Variants in EPC1 observed in about 807,000 individuals in gnomAD.
EPC1 encodes the protein enhancer of polycomb homolog 1.
Under a neutral mutation model 98.4 loss-of-function variants are expected in EPC1, and 12 were observed. The observed-to-expected ratio is 0.12, with a 90% CI of 0.08 to 0.20. EPC1 has a LOEUF of 0.20. EPC1 is among the 10% of genes least tolerant of loss of function. The probability of loss-of-function intolerance (pLI) is 1.00; values close to 1 mark genes in which losing one functional copy is unlikely to be tolerated. For missense variants in EPC1, 729 were observed against 990.5 expected, an observed-to-expected ratio of 0.74 and a Z score of 3.54; for synonymous variants, 357 against 363.9, an observed-to-expected ratio of 0.98 and a Z score of 0.21.
At chr10:32,332,735 A>C (rs1418558678) in intron 1 of EPC1, among the ~76,000 whole-genome samples, 1 of 152,210 alleles carries the variant, frequency 6.6e-6, no homozygotes, top group African/African-American at 2.4e-5. Flanking sequence ...GTAAGATTAC[A>C]AATGTTTGTT....
chr10:32,349,405 T>A (rs1839045945), upstream of EPC1, among the ~76,000 whole-genome samples: 1 of 152,146 alleles, frequency 6.6e-6, no homozygotes, highest in African/African-American at 2.4e-5. Flanking sequence ...ACAGATAAGC[T>A]TACAGATTCA....
chr10:32,293,640 C>T lies in EPC1; in HGVS notation c.411G>A (p.Leu137=). 1 of 1,613,658 alleles carries T rather than the reference C, an allele frequency of 6.2e-7. No individual in the cohort carries two copies. Among genetic ancestry groups the T allele is most frequent in the Non-Finnish European group, 8.5e-7 (1 of 1,179,828 alleles). The stretch of plus-strand genomic sequence containing the variant: ...GGCGGTCAATCATCTCCTCAAATTG[C>T]AATGGGCAGATGTCCATTTTCTTTT... The part of the protein sequence containing the change: ...KLKKKMDICP[L]QFEEMIDRLE... The change falls in exon 3 of 14, where the codon TTG becomes TTA. Residue 137 remains leucine, a synonymous_variant. Coordinates refer to ENST00000319778, the MANE Select transcript of EPC1 (RefSeq NM_001272004.3).
At chr10:32,338,036 T>A (rs1438728999) in intron 1 of EPC1, among the ~76,000 whole-genome samples, 1 of 152,192 alleles carries the variant, frequency 6.6e-6, no homozygotes, top group East Asian at 1.9e-4. Context: ...CTCTCAGATT[T>A]ATAGGACCAA....
intron 1 of EPC1, among the ~76,000 whole-genome samples, chr10:32,359,100 A>G (rs186165921): frequency 2.0e-5 from 3 of 152,318 alleles, no homozygotes; most frequent in East Asian, 1.9e-4. Context: ...CTTTAGCTCT[A>G]TAAGCGCACA....
intron 2 of EPC1, among the ~76,000 whole-genome samples, chr10:32,302,671 T>C: frequency 8.9e-6 from 1 of 112,968 alleles, no homozygotes; most frequent in African/African-American, 3.5e-5. Context: ...AAAAGGAGGG[T>C]GGGGGAGCGG....
chr10:32,287,593 CTTAA>C (rs1263730400), intron 6 of EPC1, among the ~76,000 whole-genome samples: 1 of 152,096 alleles, frequency 6.6e-6, no homozygotes, highest in South Asian at 2.1e-4. Flanking sequence ...CTCCCATTTT[CTTAA>C]TTTTCTATGA....
chr10:32,333,398 GAT>G (rs1444304746), intron 1 of EPC1, among the ~76,000 whole-genome samples: 1 of 152,198 alleles, frequency 6.6e-6, no homozygotes, highest in African/African-American at 2.4e-5. Context: ...TGAACTGAGT[GAT>G]TTAGCAAAGG....
chr10:32,318,131 A>C (rs1462672951), intron 1 of EPC1, among the ~76,000 whole-genome samples: 5 of 152,174 alleles, frequency 3.3e-5, no homozygotes, highest in Non-Finnish European at 7.3e-5. Flanking sequence ...GAAGGGAATA[A>C]AATTAGAGTC....
upstream of EPC1, among the ~76,000 whole-genome samples, chr10:32,349,793 C>T (rs1204194880): frequency 2.0e-5 from 3 of 152,048 alleles, no homozygotes; most frequent in Non-Finnish European, 4.4e-5. Context: ...AAAGACAGGG[C>T]CTCCCTCTGT....
intron 1 of EPC1, among the ~76,000 whole-genome samples, chr10:32,366,154 C>G (rs1266753136): frequency 6.6e-6 from 1 of 152,110 alleles, no homozygotes; most frequent in African/African-American, 2.4e-5. Flanking sequence ...CAACAACGAC[C>G]ACGAGTACTT....
Position 32,346,715 on chromosome 10 carries a change from A to AGAGGGAGCGGGCCTGACGGTGG in EPC1, c.153+26_153+47dup, listed in dbSNP as rs766490320. 3 of 1,559,984 alleles carry AGAGGGAGCGGGCCTGACGGTGG rather than the reference A, an allele frequency of 1.9e-6. No individual in the cohort carries two copies. The South Asian group carries it at 3.3e-5, about 17-fold the overall frequency. On this transcript the variant is annotated intron_variant, in intron 1 of 13. Transcript: ENST00000319778. ...CTGCTCCGCCGCCGCCGCAGGCAGCAGAGGGAGCGGGCCTGACGGTGGGTC... is the reference window on the plus strand; with the variant it reads ...CTGCTCCGCCGCCGCCGCAGGCAGCAGAGGGAGCGGGCCTGACGGTGGGAGGGAGCGGGCCTGACGGTGGGTC...
chr10:32,322,972 A>G (rs1837023455), intron 1 of EPC1, among the ~76,000 whole-genome samples: 1 of 152,138 alleles, frequency 6.6e-6, no homozygotes, highest in Admixed American at 6.5e-5. Context: ...ATATTTCAAA[A>G]CAACTAAATG....
chr10:32,333,277 T>C (rs1463683457), intron 1 of EPC1, among the ~76,000 whole-genome samples: 5 of 152,030 alleles, frequency 3.3e-5, no homozygotes, highest in African/African-American at 9.7e-5. Context: ...GAGGCGGAGG[T>C]TGCAGTGAGC....
At chr10:32,345,167 A>C in intron 1 of EPC1, 1 of 981,584 alleles carries the variant, frequency 1.0e-6, no homozygotes, top group East Asian at 1.1e-4. Flanking sequence ...AAAATAAACA[A>C]ATGGCCATGC....
At chr10:32,347,173 A>C (rs1592628747), upstream of EPC1, 1 of 1,346,174 alleles carries the variant, frequency 7.4e-7, no homozygotes, top group Non-Finnish European at 9.5e-7. Flanking sequence ...TCTTCAGCCA[A>C]CCCCAGCCAT....
rs1007302455 is a variant in EPC1, at chr10:32,299,144, C to T, written c.314-5407G>A. Among the ~76,000 whole-genome samples the T allele has an allele frequency of 1.4e-4, 22 of 152,072 alleles. 2 individuals are homozygous for T. Among genetic ancestry groups the T allele is most frequent in the Non-Finnish European group, 1.5e-5 (1 of 68,016 alleles). On this transcript the variant is annotated intron_variant, in intron 2 of 13. Transcript: ENST00000319778. ...GGCTCACTCTTTATTTTTTCATTTT[C>T]GAAGCCATAGGAGGGTACATTATAT...
intron 6 of EPC1, 107 bp downstream of exon 6, chr10:32,291,056 C>T (rs933222757): frequency 2.1e-5 from 22 of 1,024,958 alleles, no homozygotes; most frequent in East Asian, 2.6e-5. Flanking sequence ...GGATTACAGG[C>T]GTGAGCCACT....
chr10:32,309,505 T>TC (rs1468666658), intron 1 of EPC1, among the ~76,000 whole-genome samples: 2 of 151,322 alleles, frequency 1.3e-5, no homozygotes, highest in African/African-American at 4.9e-5. Context: ...TTTTTTTTTT[T>TC]TTCTTTTCCC....
chr10:32,278,348 A>T (rs1396872098), intron 10 of EPC1, among the ~76,000 whole-genome samples: 1 of 149,882 alleles, frequency 6.7e-6, no homozygotes, highest in African/African-American at 2.5e-5. Context: ...AGCCCCTCAA[A>T]ATGTATACTT....
Sources: allele counts gnomAD v4.1 joint callset (sites outside exome capture counted in the v4.1 genomes callset), GRCh38; gene constraint gnomAD v4.1.1; transcripts MANE v1.5; gene names NCBI Gene and HGNC (gene_info 2026-07-23, HGNC 2026-07-21).